The following FBXL7 variants were observed in gnomAD, a reference collection of about 807,000 sequenced individuals.
FBXL7 encodes the protein F-box/LRR-repeat protein 7.
A neutral mutation model predicts 38.3 loss-of-function variants in FBXL7; 12 were observed. The ratio of observed to expected loss-of-function variants is 0.31; its 90% CI spans 0.20 to 0.51. FBXL7 has a LOEUF of 0.51. Ranked by LOEUF, FBXL7 falls within the 20% of genes least tolerant of loss-of-function variation. FBXL7 has a pLI of 0.98. For synonymous variants in FBXL7, 297 were observed against 300.9 expected, an observed-to-expected ratio of 0.99 and a Z score of 0.13; for missense variants, 567 against 676.4, an observed-to-expected ratio of 0.84 and a Z score of 1.79.
chr5:15,749,356 G>A (rs1736096081), intron 2 of FBXL7, among the ~76,000 whole-genome samples: 2 of 152,084 alleles, frequency 1.3e-5, no homozygotes, highest in South Asian at 4.1e-4. Flanking sequence ...GCTGGGTGCG[G>A]TGGCTCACGC....
At chr5:15,878,587 G>A (rs1740311831) in intron 2 of FBXL7, among the ~76,000 whole-genome samples, 1 of 152,160 alleles carries the variant, frequency 6.6e-6, no homozygotes, top group African/African-American at 2.4e-5. Context: ...GTTCTCTAAT[G>A]TTTGGACACA....
intron 2 of FBXL7, among the ~76,000 whole-genome samples, chr5:15,633,765 ATTATTATTATTATT>A (rs1326240647): frequency 1.1e-3 from 158 of 146,228 alleles, no homozygotes; most frequent in African/African-American, 3.6e-3. Flanking sequence ...TATTATTATT[ATTATTATTATTATT>A]TTATTATTTT....
At chr5:15,592,184 G>A (rs1299008643) in intron 1 of FBXL7, among the ~76,000 whole-genome samples, 3 of 152,100 alleles carry the variant, frequency 2.0e-5, no homozygotes, top group African/African-American at 7.2e-5. Flanking sequence ...TCTCTTACCT[G>A]CAAAATTCTA....
At chr5:15,855,334 T>C (rs1184431518) in intron 2 of FBXL7, among the ~76,000 whole-genome samples, 1 of 152,160 alleles carries the variant, frequency 6.6e-6, no homozygotes, top group Admixed American at 6.6e-5. Flanking sequence ...CTTTTACCCT[T>C]TCAGACGTTT....
chr5:15,765,822 G>GT (rs1416864890), intron 2 of FBXL7, among the ~76,000 whole-genome samples: 2 of 152,004 alleles, frequency 1.3e-5, no homozygotes, highest in Admixed American at 6.6e-5. Flanking sequence ...CTGTAGTACT[G>GT]AACTCATCAT....
At chr5:15,848,157 A>G (rs1010987671) in intron 2 of FBXL7, among the ~76,000 whole-genome samples, 1 of 152,224 alleles carries the variant, frequency 6.6e-6, no homozygotes, top group African/African-American at 2.4e-5. Context: ...GTATTGGACA[A>G]AAATATCAAA....
At chr5:15,601,051 T>C (rs2126493255) in intron 1 of FBXL7, among the ~76,000 whole-genome samples, 1 of 152,274 alleles carries the variant, frequency 6.6e-6, no homozygotes, top group South Asian at 2.1e-4. Context: ...GATGGCTTGG[T>C]TATGGAATTG....
intron 2 of FBXL7, among the ~76,000 whole-genome samples, chr5:15,633,416 T>G (rs568713406): frequency 6.6e-6 from 1 of 152,202 alleles, no homozygotes; most frequent in East Asian, 1.9e-4. Flanking sequence ...ACTCAGATAT[T>G]CAATACCGAC....
intron 2 of FBXL7, among the ~76,000 whole-genome samples, chr5:15,839,906 A>C (rs1490507562): frequency 6.6e-6 from 1 of 152,170 alleles, no homozygotes; most frequent in Non-Finnish European, 1.5e-5. Flanking sequence ...AAGAAGAAAA[A>C]TCTGCTTACT....
chr5:15,780,019 T>C (rs916131963), intron 2 of FBXL7, among the ~76,000 whole-genome samples: 3 of 152,138 alleles, frequency 2.0e-5, no homozygotes, highest in Non-Finnish European at 1.5e-5. Flanking sequence ...CCACATCATG[T>C]GGGTATTGAA....
intron 2 of FBXL7, among the ~76,000 whole-genome samples, chr5:15,691,097 G>T (rs1345345282): frequency 6.6e-6 from 1 of 152,148 alleles, no homozygotes; most frequent in East Asian, 1.9e-4. Context: ...ATCTGTTGGT[G>T]TCACCCTTTT....
intron 2 of FBXL7, among the ~76,000 whole-genome samples, chr5:15,687,557 C>A (rs1418869093): frequency 1.3e-5 from 2 of 152,164 alleles, no homozygotes; most frequent in Non-Finnish European, 1.5e-5. Flanking sequence ...GGACCTTTTG[C>A]ATTAGTTATA....
chr5:15,730,009 A>G (rs950569567), intron 2 of FBXL7, among the ~76,000 whole-genome samples: 1 of 152,186 alleles, frequency 6.6e-6, no homozygotes, highest in Non-Finnish European at 1.5e-5. Context: ...AGTTCCCATG[A>G]GAAACAAATA....
At chr5:15,512,307 T>C (rs967537846) in intron 1 of FBXL7, among the ~76,000 whole-genome samples, 10 of 152,234 alleles carry the variant, frequency 6.6e-5, no homozygotes, top group Admixed American at 5.2e-4. Context: ...TTCACTATCC[T>C]CTAGTTTAAT....
intron 2 of FBXL7, among the ~76,000 whole-genome samples, chr5:15,755,533 G>A (rs1736275253): frequency 1.3e-5 from 2 of 152,088 alleles, no homozygotes; most frequent in South Asian, 2.1e-4. Flanking sequence ...CTTTAAAAAG[G>A]CAGTTTCTGC....
At position 15,678,123 on chromosome 5, in the gene FBXL7, G is replaced by A. The variant is rs114368131; in HGVS notation, c.127+62051G>A. Among the ~76,000 whole-genome samples, 1,100 of 152,224 alleles carry A rather than the reference G, an allele frequency of 7.2e-3. 4 individuals are homozygous for A. Among genetic ancestry groups the A allele is most frequent in the Non-Finnish European group, 0.01 (694 of 68,020 alleles). On this transcript the variant is annotated intron_variant, in intron 2 of 3. Transcript: ENST00000504595. ...TCTGAGTTGGCCAAGGGAGGCTGGA[G>A]GGATATACATCACATTACAACCTTC...
intron 2 of FBXL7, among the ~76,000 whole-genome samples, chr5:15,685,290 T>A (rs1268130933): frequency 6.6e-6 from 1 of 152,180 alleles, no homozygotes; most frequent in Non-Finnish European, 1.5e-5. Context: ...AATATACCAA[T>A]GCATCTTGCA....
chr5:15,605,869 T>G (rs1237213516), intron 1 of FBXL7, among the ~76,000 whole-genome samples: 1 of 152,194 alleles, frequency 6.6e-6, no homozygotes, highest in African/African-American at 2.4e-5. Flanking sequence ...TTGGCCTTCT[T>G]AGACTGGACA....
At chr5:15,648,312 T>C (rs192848506) in intron 2 of FBXL7, among the ~76,000 whole-genome samples, 53 of 152,336 alleles carry the variant, frequency 3.5e-4, no homozygotes, top group Non-Finnish European at 6.3e-4. Context: ...TGGAAGTGAC[T>C]ACACCTGCTT....
Sources: allele counts gnomAD v4.1 joint callset (sites outside exome capture counted in the v4.1 genomes callset), GRCh38; gene constraint gnomAD v4.1.1; transcripts MANE v1.5; gene names NCBI Gene and HGNC (gene_info 2026-07-23, HGNC 2026-07-21).